Variants in AASDH observed in about 807,000 individuals in gnomAD.
AASDH encodes the protein aminoadipate-semialdehyde dehydrogenase.
Under a neutral mutation model 102.3 loss-of-function variants are expected in AASDH, and 81 were observed. The ratio of observed to expected loss-of-function variants is 0.79; its 90% CI spans 0.66 to 0.95. The LOEUF (loss-of-function observed/expected upper bound fraction) is 0.95. Among genes scored for constraint, AASDH ranks in the 40% least tolerant of loss-of-function variants. AASDH has a pLI of 0.00. For missense variants in AASDH, 1,203 were observed against 1,266.2 expected (o/e 0.95, Z 0.76); for synonymous variants, 398 against 454.0 (o/e 0.88, Z 1.57).
intron 5 of AASDH, chr4:56,356,549 A>T (rs1749663352): frequency 3.7e-6 from 3 of 807,510 alleles, no homozygotes; most frequent in Non-Finnish European, 6.4e-6. Context: ...TTCGAGCAGG[A>T]GTTAACACCA....
At chr4:56,356,135 A>G in intron 5 of AASDH, 2 of 650,800 alleles carry the variant, frequency 3.1e-6, no homozygotes, top group Non-Finnish European at 5.4e-6. Context: ...GCCGTCCAAG[A>G]TGCCAAAAGG....
intron 4 of AASDH, among the ~76,000 whole-genome samples, chr4:56,377,608 T>C (rs946856494): frequency 4.6e-5 from 7 of 152,230 alleles, no homozygotes; most frequent in African/African-American, 1.7e-4. Flanking sequence ...AAGCTTCTAA[T>C]CATATCATTT....
chr4:56,367,919 G>C (rs1392943256), intron 5 of AASDH, among the ~76,000 whole-genome samples: 2 of 151,988 alleles, frequency 1.3e-5, no homozygotes, highest in African/African-American at 4.8e-5. Flanking sequence ...ACTACCATCA[G>C]AGTGAACAGG....
intron 5 of AASDH, among the ~76,000 whole-genome samples, chr4:56,363,925 A>T (rs144925740): frequency 0.016 from 2,437 of 152,290 alleles, 76 homozygotes; most frequent in African/African-American, 0.055. Flanking sequence ...AACTACTCTG[A>T]GCTAAAGGAG....
chr4:56,339,622 A>G (rs10031550), intron 14 of AASDH, among the ~76,000 whole-genome samples: 103,935 of 150,962 alleles, frequency 0.69, 35,867 homozygotes, highest in South Asian at 0.76. Context: ...GTGGTGGCAC[A>G]CACCTACAGT....
At chr4:56,384,700 TA>T (rs1753353877) in intron 1 of AASDH, among the ~76,000 whole-genome samples, 1 of 150,316 alleles carries the variant, frequency 6.7e-6, no homozygotes, top group Non-Finnish European at 1.5e-5. Context: ...ACCCCACACT[TA>T]ATTTTTTTTT....
chr4:56,376,019 CTT>C (rs67950154), intron 4 of AASDH, among the ~76,000 whole-genome samples: 7 of 106,734 alleles, frequency 6.6e-5, no homozygotes, highest in African/African-American at 7.1e-5. Flanking sequence ...AACCGCTCAT[CTT>C]TTTTTTTTTT....
chr4:56,347,445 T>C (rs1320325967), intron 11 of AASDH, among the ~76,000 whole-genome samples: 1 of 152,204 alleles, frequency 6.6e-6, no homozygotes, highest in African/African-American at 2.4e-5. Flanking sequence ...TCCATGAGCG[T>C]ATAAAATGAA....
At chr4:56,383,189 A>G (rs1293464031) in intron 2 of AASDH, among the ~76,000 whole-genome samples, 1 of 152,228 alleles carries the variant, frequency 6.6e-6, no homozygotes, top group African/African-American at 2.4e-5. Flanking sequence ...CATTTTAAGT[A>G]GTTTCAGGTA....
chr4:56,386,799 C>CAAAAAA (rs386400124), intron 1 of AASDH, among the ~76,000 whole-genome samples: 1,695 of 48,750 alleles, frequency 0.035, 131 homozygotes, highest in East Asian at 0.14. Context: ...GACTCCGTCT[C>CAAAAAA]AAAAAAAAAA....
At chr4:56,345,441 AGAAACT>A (rs887040494) in intron 11 of AASDH, 151 bp from the exon 12 acceptor site, 8 of 691,572 alleles carry the variant, frequency 1.2e-5, no homozygotes, top group Non-Finnish European at 6.9e-6. Flanking sequence ...AATGTAAAGC[AGAAACT>A]GAATTAGTAA....
chr4:56,341,005 G>C (rs999687529), intron 14 of AASDH, among the ~76,000 whole-genome samples: 1 of 152,062 alleles, frequency 6.6e-6, no homozygotes, highest in African/African-American at 2.4e-5. Context: ...ATTACTAAAA[G>C]AACATAACAA....
At chr4:56,378,821 T>C (rs1752648260) in intron 3 of AASDH, among the ~76,000 whole-genome samples, 1 of 151,630 alleles carries the variant, frequency 6.6e-6, no homozygotes, top group South Asian at 2.1e-4. Flanking sequence ...TTTTTTTTTT[T>C]CTTGAGACAG....
At chr4:56,382,287 T>C in intron 3 of AASDH, 190 bp downstream of exon 3, 1 of 523,622 alleles carries the variant, frequency 1.9e-6, no homozygotes, top group South Asian at 2.4e-5. Flanking sequence ...GTCAAATATA[T>C]TGCTAAATAT....
chr4:56,374,243 G>A (rs1752070769), intron 4 of AASDH, among the ~76,000 whole-genome samples: 1 of 151,952 alleles, frequency 6.6e-6, no homozygotes, highest in South Asian at 2.1e-4. Context: ...GCCAGGCATA[G>A]TGGCGTGCAC....
intron 4 of AASDH, among the ~76,000 whole-genome samples, chr4:56,374,754 G>T (rs1481662251): frequency 6.6e-6 from 1 of 151,908 alleles, no homozygotes; most frequent in African/African-American, 2.4e-5. Flanking sequence ...TCTGTCTTTT[G>T]TCAGTTTAAT....
rs751190789 is a variant in AASDH, at chr4:56,338,688, C to CAA, written c.3009_3010dup (p.Cys1004PhefsTer4). On this transcript the variant is annotated frameshift_variant, in exon 15 of 15. Transcript: ENST00000205214. LOFTEE classifies it high-confidence loss of function. ...CCACTGCAGGTGACCTTTCATGTTACAACAGTAGATAAAGCAATCATGGGA... is the reference window on the plus strand; with the variant it reads ...CCACTGCAGGTGACCTTTCATGTTACAAAACAGTAGATAAAGCAATCATGGGA... The CAA allele has an allele frequency of 1.2e-6, 2 of 1,614,170 alleles. No homozygotes were observed. Among genetic ancestry groups the CAA allele is most frequent in the South Asian group, 2.2e-5 (2 of 91,072 alleles).
chr4:56,373,835 T>C (rs59715701), intron 4 of AASDH, among the ~76,000 whole-genome samples: 104,393 of 151,930 alleles, frequency 0.69, 35,983 homozygotes, highest in South Asian at 0.76. Context: ...GTTCATGTAG[T>C]TCCATGTAGT....
chr4:56,354,971 A>G (rs1172293439), intron 6 of AASDH, among the ~76,000 whole-genome samples, 160 bp from the exon 7 acceptor site: 2 of 151,314 alleles, frequency 1.3e-5, no homozygotes, highest in Non-Finnish European at 3.0e-5. Context: ...AGGTAACCAT[A>G]TATGTTATTC....
Sources: gnomAD v4.1 joint callset for allele counts (sites outside exome capture counted in the v4.1 genomes callset) on GRCh38, gnomAD v4.1.1 for gene constraint, MANE v1.5 for transcripts, NCBI Gene and HGNC (gene_info 2026-07-23, HGNC 2026-07-21) for gene names.